P2RX7: variants seen among roughly 807,000 people sequenced by gnomAD.
P2RX7 encodes P2X purinoceptor 7.
A neutral mutation model predicts 71.6 loss-of-function variants in P2RX7; 62 were observed. That is an observed-to-expected ratio of 0.87 (90% CI 0.71 to 1.07). The LOEUF (loss-of-function observed/expected upper bound fraction) is 1.07, where lower values mean the gene tolerates loss of function less well. Among genes scored for constraint, P2RX7 ranks in the 50% least tolerant of loss-of-function variants. The pLI is 0.00. For synonymous variants in P2RX7, 299 were observed against 283.3 expected (o/e 1.06, Z -0.56); for missense variants, 686 against 748.5 (o/e 0.92, Z 0.97).
At chr12:121,176,567 A>G (rs1423606722) in intron 9 of P2RX7, among the ~76,000 whole-genome samples, 1 of 152,010 alleles carries the variant, frequency 6.6e-6, no homozygotes, top group Non-Finnish European at 1.5e-5. Context: ...CCTGGCCAAC[A>G]TGGTGAAACC....
intron 5 of P2RX7, among the ~76,000 whole-genome samples, chr12:121,163,334 A>AC (rs960542739): frequency 8.1e-5 from 10 of 122,858 alleles, no homozygotes; most frequent in African/African-American, 3.3e-4. Context: ...GCTTACACAC[A>AC]CACACACACA....
chr12:121,152,112 T>C (rs771807368), intron 1 of P2RX7, among the ~76,000 whole-genome samples: 3 of 152,050 alleles, frequency 2.0e-5, no homozygotes, highest in Non-Finnish European at 4.4e-5. Context: ...CCCGAGTAGT[T>C]GGGATTACAG....
Position 121,149,821 on chromosome 12 carries a change from C to T in P2RX7, c.126-4964C>T, listed in dbSNP as rs1044086066. 6.6e-6 allele frequency among the ~76,000 whole-genome samples: 1 copy of T among 152,124 alleles called. No homozygotes were observed. The highest frequency in any genetic ancestry group is 2.4e-5 in the African/African-American group (1 of 41,424). Reference sequence around the variant, plus strand: ...CTGGGCTCAAGGGATCCTCCTACCTCGGTCTAACAAGTAGCTGCGAATATA... The same window carrying T: ...CTGGGCTCAAGGGATCCTCCTACCTTGGTCTAACAAGTAGCTGCGAATATA... On this transcript the variant is annotated intron_variant, in intron 1 of 12. Transcript: ENST00000328963. This position sits in a 1 kb window ranked among gnomAD's most constrained non-coding sequence, Gnocchi z 4.7.
chr12:121,166,397 T>C (rs1881036916), intron 7 of P2RX7, among the ~76,000 whole-genome samples: 1 of 152,228 alleles, frequency 6.6e-6, no homozygotes, highest in African/African-American at 2.4e-5. Context: ...CTTGGTGTAT[T>C]CCTTTCCTGT....
intron 9 of P2RX7, 53 bp from the exon 10 acceptor site, chr12:121,177,094 A>G (rs367882360): frequency 8.6e-6 from 13 of 1,513,426 alleles, no homozygotes; most frequent in East Asian, 6.8e-5. Context: ...CGTTGAAGCA[A>G]AAGAGCGTTG....
intron 11 of P2RX7, among the ~76,000 whole-genome samples, chr12:121,178,545 A>C (rs1254073522): frequency 6.6e-6 from 1 of 152,172 alleles, no homozygotes; most frequent in African/African-American, 2.4e-5. Context: ...TAATCCCAAC[A>C]CTTTGGGAGG....
intron 1 of P2RX7, among the ~76,000 whole-genome samples, chr12:121,134,259 G>C (rs1047487350): frequency 6.6e-6 from 1 of 152,086 alleles, no homozygotes; most frequent in Non-Finnish European, 1.5e-5. Context: ...TTTCACCTTT[G>C]GGGGGAATGT....
intron 2 of P2RX7, among the ~76,000 whole-genome samples, chr12:121,155,578 A>G (rs208289): frequency 0.26 from 39,485 of 151,664 alleles, 7,508 homozygotes; most frequent in African/African-American, 0.53. Flanking sequence ...CGGCTTGGGG[A>G]GCTAAAATGC....
At chr12:121,166,700 G>A (rs966455781) in intron 7 of P2RX7, among the ~76,000 whole-genome samples, 3 of 151,992 alleles carry the variant, frequency 2.0e-5, no homozygotes, top group Non-Finnish European at 2.9e-5. Flanking sequence ...TACAAGAGGG[G>A]GCATTTAAGG....
intron 5 of P2RX7, among the ~76,000 whole-genome samples, chr12:121,162,923 C>T (rs968532409): frequency 6.7e-5 from 10 of 149,072 alleles, no homozygotes; most frequent in African/African-American, 2.0e-4. Flanking sequence ...AAGGACGAAG[C>T]GAGGAAAGAG....
At chr12:121,159,156 C>T (rs2859393) in intron 3 of P2RX7, among the ~76,000 whole-genome samples, 8,610 of 152,274 alleles carry the variant, frequency 0.057, 421 homozygotes, top group African/African-American at 0.13. Flanking sequence ...TGATGGCTCA[C>T]GCCTATAATC....
intron 1 of P2RX7, among the ~76,000 whole-genome samples, chr12:121,143,195 C>G (rs1484932760): frequency 1.3e-5 from 2 of 150,428 alleles, no homozygotes; most frequent in Non-Finnish European, 3.0e-5. Flanking sequence ...ACCAGCCTGG[C>G]CAACATGGTG....
chr12:121,171,571 T>A (rs1882195924), intron 8 of P2RX7, among the ~76,000 whole-genome samples: 1 of 152,112 alleles, frequency 6.6e-6, no homozygotes, highest in Admixed American at 6.6e-5. Context: ...TAATTATATC[T>A]GCAAACACTG....
At chr12:121,177,104 G>C (rs1883286126) in intron 9 of P2RX7, 43 bp from the exon 10 acceptor site, 2 of 1,560,278 alleles carry the variant, frequency 1.3e-6, no homozygotes, top group East Asian at 4.5e-5. Flanking sequence ...AAAGAGCGTT[G>C]CTCTGAATTT....
intron 1 of P2RX7, among the ~76,000 whole-genome samples, chr12:121,139,733 C>CT (rs10696338): frequency 0.56 from 70,278 of 126,128 alleles, 23,016 homozygotes; most frequent in Middle Eastern, 0.77. Flanking sequence ...CCCTGACCAT[C>CT]TTTTTTTTTT....
intron 1 of P2RX7, among the ~76,000 whole-genome samples, chr12:121,145,489 C>T (rs983753093): frequency 2.0e-5 from 3 of 147,868 alleles, no homozygotes; most frequent in Non-Finnish European, 1.5e-5. Context: ...TGATGACTCG[C>T]CCTTTCTTTC....
intron 6 of P2RX7, 122 bp from the exon 7 acceptor site, chr12:121,165,936 A>T: frequency 1.0e-6 from 1 of 995,334 alleles, no homozygotes; most frequent in Non-Finnish European, 1.5e-6. Flanking sequence ...GGGTCCCAGG[A>T]GGCAGTGATC....
intron 9 of P2RX7, among the ~76,000 whole-genome samples, chr12:121,176,764 A>AAAG (rs1555229674): frequency 1.3e-5 from 2 of 151,634 alleles, no homozygotes; most frequent in Non-Finnish European, 2.9e-5. Context: ...AAAAAAAAAA[A>AAAG]AAAAAAAACC....
Position 121,155,717 on chromosome 12 carries a change from T to C in P2RX7, c.295-362T>C, listed in dbSNP as rs565281373. 2.6e-5 allele frequency among the ~76,000 whole-genome samples: 4 copies of C among 152,158 alleles called. No individual in the cohort carries two copies. The South Asian group carries it at 6.2e-4, about 24-fold the overall frequency. The stretch of plus-strand genomic sequence containing the variant: ...AAAGTCTGGGAAAATCTGAACAGTG[T>C]TGTGATGAAGGCTGCTCCCCTACCC... On this transcript the variant is annotated intron_variant, in intron 2 of 12. Coordinates refer to ENST00000328963, the MANE Select transcript of P2RX7 (RefSeq NM_002562.6).
Sources: gnomAD v4.1 joint callset for allele counts (sites outside exome capture counted in the v4.1 genomes callset) on GRCh38, gnomAD v4.1.1 for gene constraint, Gnocchi (gnomAD v3.1) non-coding constraint, MANE v1.5 for transcripts, NCBI Gene and HGNC (gene_info 2026-07-23, HGNC 2026-07-21) for gene names.